Variants in KALRN observed in about 807,000 individuals in gnomAD.
The protein encoded by KALRN is kalirin.
Under a neutral mutation model 353.7 loss-of-function variants are expected in KALRN, and 70 were observed. The ratio of observed to expected loss-of-function variants is 0.20; its 90% CI spans 0.16 to 0.24. KALRN has a LOEUF of 0.24. Among genes scored for constraint, KALRN ranks in the 10% least tolerant of loss-of-function variants. The pLI is 1.00. For synonymous variants in KALRN, 1,391 were observed against 1,434.8 expected, an observed-to-expected ratio of 0.97 and a Z score of 0.69; for missense variants, 2,791 against 3,756.7, an observed-to-expected ratio of 0.74 and a Z score of 6.72.
intron 11 of KALRN, among the ~76,000 whole-genome samples, chr3:124,391,631 A>G (rs952173206): frequency 6.6e-6 from 1 of 152,178 alleles, no homozygotes; most frequent in Non-Finnish European, 1.5e-5. Context: ...GAGATAGAAA[A>G]ATTACAGCCT....
chr3:124,070,354 A>G (rs1371050655), intron 1 of KALRN, among the ~76,000 whole-genome samples: 1 of 152,178 alleles, frequency 6.6e-6, no homozygotes, highest in Non-Finnish European at 1.5e-5. Flanking sequence ...GTCCTTGCAG[A>G]ACCTGCTGGC....
chr3:124,303,482 G>A (rs1181328775), intron 6 of KALRN, among the ~76,000 whole-genome samples: 1 of 152,148 alleles, frequency 6.6e-6, no homozygotes, highest in Admixed American at 6.5e-5. Flanking sequence ...CTACTCTGAT[G>A]GGAGTATGGG....
chr3:124,596,448 C>A (rs1357060158), intron 34 of KALRN, among the ~76,000 whole-genome samples: 1 of 152,050 alleles, frequency 6.6e-6, no homozygotes, highest in African/African-American at 2.4e-5. Context: ...TCCTGGGGGA[C>A]AAGAGCAAGA....
chr3:124,461,797 G>T (rs1359889524), intron 23 of KALRN, 93 bp from the exon 24 acceptor site: 3 of 856,266 alleles, frequency 3.5e-6, no homozygotes, highest in Non-Finnish European at 5.8e-6. Flanking sequence ...AGACATTTAA[G>T]AATGTCATAC....
intron 11 of KALRN, among the ~76,000 whole-genome samples, 159 bp downstream of exon 11, chr3:124,385,195 A>G (rs941125616): frequency 6.6e-6 from 1 of 152,130 alleles, no homozygotes; most frequent in Non-Finnish European, 1.5e-5. Context: ...GATAGCCTGC[A>G]TTTAGGTCTC....
Position 124,490,878 on chromosome 3 carries a change from G to A in KALRN, c.4581G>A (p.Lys1527=). The A allele has an allele frequency of 2.5e-6, 4 of 1,609,326 alleles. No homozygotes were observed. Among genetic ancestry groups the A allele is most frequent in the Non-Finnish European group, 3.4e-6 (4 of 1,177,754 alleles). The part of the protein sequence containing the change: ...SGHTKYVYKN[K]LLTSELGVTE... The stretch of plus-strand genomic sequence containing the variant: ...ACACGAAATATGTTTACAAGAACAA[G>A]CTACTGGTAGGTGGGGCAGGTGGGG... The change falls in exon 30 of 60, where the codon AAG becomes AAA. Residue 1527 remains lysine, a synonymous_variant. Transcript: ENST00000682506.
chr3:124,584,680 C>T, intron 34 of KALRN: 1 of 1,432,504 alleles, frequency 7.0e-7, no homozygotes, highest in Non-Finnish European at 9.1e-7. Flanking sequence ...TAAGTCAGAG[C>T]TGCGGCCGCG....
At chr3:124,279,774 T>C (rs1197071141) in intron 5 of KALRN, among the ~76,000 whole-genome samples, 1 of 152,196 alleles carries the variant, frequency 6.6e-6, no homozygotes. Context: ...GGCCTGGCCA[T>C]GTTGGAGCAG....
At chr3:124,587,250 G>A (rs772206356) in intron 34 of KALRN, among the ~76,000 whole-genome samples, 2 of 152,162 alleles carry the variant, frequency 1.3e-5, no homozygotes, top group African/African-American at 2.4e-5. Flanking sequence ...CGGTTGTTTG[G>A]TCTCTATCCC....
chr3:124,427,825 T>A (rs2093091447), intron 15 of KALRN, among the ~76,000 whole-genome samples: 1 of 152,246 alleles, frequency 6.6e-6, no homozygotes, highest in Non-Finnish European at 1.5e-5. Flanking sequence ...AACTGGAAAT[T>A]ATCTTTAAAG....
chr3:124,516,968 C>T (rs2066663437), intron 33 of KALRN, among the ~76,000 whole-genome samples: 1 of 152,126 alleles, frequency 6.6e-6, no homozygotes, highest in South Asian at 2.1e-4. Flanking sequence ...CAGGCGCCTG[C>T]CACCACACCC....
At chr3:124,152,330 A>C in intron 1 of KALRN, 1 of 1,228,422 alleles carries the variant, frequency 8.1e-7, no homozygotes, top group Non-Finnish European at 1.2e-6. Context: ...AGCTTCACAA[A>C]GGTTCCATTG....
intron 1 of KALRN, among the ~76,000 whole-genome samples, chr3:124,215,720 C>A (rs1373233911): frequency 6.6e-6 from 1 of 152,184 alleles, no homozygotes; most frequent in Admixed American, 6.5e-5. Flanking sequence ...AAAGTCTGTG[C>A]TTGACTCAGG....
intron 51 of KALRN, among the ~76,000 whole-genome samples, chr3:124,688,755 A>G (rs1398892839): frequency 1.3e-5 from 2 of 148,834 alleles, no homozygotes; most frequent in African/African-American, 4.8e-5. Context: ...TTTTCTAGAC[A>G]GAATTTCACC....
intron 1 of KALRN, among the ~76,000 whole-genome samples, chr3:124,182,356 C>T (rs1687546927): frequency 1.3e-5 from 2 of 152,174 alleles, no homozygotes; most frequent in Admixed American, 1.3e-4. Flanking sequence ...ATGTGAAGAC[C>T]TACGTGGAAA....
chr3:124,399,147 T>TTGTTC (rs1221100776), intron 13 of KALRN, among the ~76,000 whole-genome samples: 60 of 152,072 alleles, frequency 3.9e-4, no homozygotes, highest in Non-Finnish European at 7.4e-4. Flanking sequence ...TTGTTTTGTT[T>TTGTTC]TGTTCTGTTG....
chr3:124,464,875 A>AAAAC (rs2060178429), intron 25 of KALRN, among the ~76,000 whole-genome samples: 1 of 151,554 alleles, frequency 6.6e-6, no homozygotes, highest in African/African-American at 2.4e-5. Flanking sequence ...AAAAAAAAAA[A>AAAAC]ACCTCATAGT....
At chr3:124,707,394 TTTCCTTCCTTCCTTCCTTCCTTCCTTCC>T (rs368400674) in intron 57 of KALRN, among the ~76,000 whole-genome samples, 2 of 140,714 alleles carry the variant, frequency 1.4e-5, no homozygotes, top group East Asian at 2.2e-4. Flanking sequence ...AGAATAGCAG[TTTCCTTCCTTCCTTCCTTCCTTCCTTCC>T]TTCCTTCCTT....
intron 3 of KALRN, among the ~76,000 whole-genome samples, chr3:124,250,349 G>A (rs2070961415): frequency 1.3e-5 from 2 of 152,204 alleles, no homozygotes; most frequent in South Asian, 4.1e-4. Flanking sequence ...AGGTGGGGGT[G>A]TGACAAGAGA....
Sources: allele counts gnomAD v4.1 joint callset (sites outside exome capture counted in the v4.1 genomes callset), GRCh38; gene constraint gnomAD v4.1.1; transcripts MANE v1.5; gene names NCBI Gene and HGNC (gene_info 2026-07-23, HGNC 2026-07-21).